SBF2: variants seen among roughly 807,000 people sequenced by gnomAD.
SBF2 encodes the protein myotubularin-related protein 13.
Under a neutral mutation model 225.2 loss-of-function variants are expected in SBF2, and 112 were observed. That is an observed-to-expected ratio of 0.50 (90% confidence interval 0.43 to 0.58). The LOEUF (loss-of-function observed/expected upper bound fraction) is 0.58, where lower values mean the gene tolerates loss of function less well. Ranked by LOEUF, SBF2 falls within the 20% of genes least tolerant of loss-of-function variation. SBF2 has a pLI of 0.00. For missense variants in SBF2, 1,996 were observed against 2,206.2 expected (o/e 0.90, Z 1.91); for synonymous variants, 763 against 773.3 (o/e 0.99, Z 0.22).
intron 13 of SBF2, among the ~76,000 whole-genome samples, chr11:9,978,480 GA>G (rs1565087600): frequency 6.6e-6 from 1 of 152,126 alleles, no homozygotes; most frequent in East Asian, 1.9e-4. Context: ...ATTAGATTGT[GA>G]AAAAAATTTC....
intron 1 of SBF2, among the ~76,000 whole-genome samples, chr11:10,273,615 A>G (rs1463844754): frequency 1.3e-5 from 2 of 152,254 alleles, no homozygotes; most frequent in South Asian, 2.1e-4. Flanking sequence ...AAACAGGTAC[A>G]AAAACAAAGA....
chr11:9,913,968 C>T (rs73420638), intron 16 of SBF2, among the ~76,000 whole-genome samples: 2,297 of 152,314 alleles, frequency 0.015, 47 homozygotes, highest in African/African-American at 0.052. Context: ...TCCCAAAGTG[C>T]TGCGATTACA....
At chr11:10,192,417 G>A (rs941392932) in intron 2 of SBF2, among the ~76,000 whole-genome samples, 3 of 152,032 alleles carry the variant, frequency 2.0e-5, no homozygotes, top group African/African-American at 7.3e-5. Context: ...TAGCTACGAC[G>A]AGAAAATTTA....
intron 6 of SBF2, among the ~76,000 whole-genome samples, chr11:10,003,292 C>T (rs1948050945): frequency 1.3e-5 from 2 of 151,932 alleles, no homozygotes; most frequent in Admixed American, 1.3e-4. Flanking sequence ...TCCATCTATA[C>T]TTATTGTAAT....
intron 2 of SBF2, among the ~76,000 whole-genome samples, chr11:10,119,371 A>G (rs542203440): frequency 7.1e-4 from 108 of 152,290 alleles, no homozygotes; most frequent in African/African-American, 2.6e-3. Context: ...AGAATTAAAG[A>G]GATATACAGA....
chr11:10,138,693 CTAT>C (rs1436751293), intron 2 of SBF2, among the ~76,000 whole-genome samples: 1 of 152,134 alleles, frequency 6.6e-6, no homozygotes, highest in Non-Finnish European at 1.5e-5. Flanking sequence ...CTTTGAACCA[CTAT>C]TTAGAAACAT....
At position 9,910,187 on chromosome 11, in the gene SBF2, A is replaced by C. The variant is rs546279963; in HGVS notation, c.1861-14176T>G. On this transcript the variant is annotated intron_variant, in intron 16 of 39. Coordinates refer to ENST00000256190, the MANE Select transcript of SBF2 (RefSeq NM_030962.4). The stretch of plus-strand genomic sequence containing the variant: ...TTTTGGTCAATGATGGACTGCATAT[A>C]TGATGGTGGTCACATATGACTATAA... Among the ~76,000 whole-genome samples the C allele has an allele frequency of 2.6e-5, 4 of 152,268 alleles. No individual in the cohort carries two copies. In the East Asian group the frequency reaches 7.7e-4, roughly 29 times the overall value.
chr11:10,174,577 A>G (rs928205801), intron 2 of SBF2, among the ~76,000 whole-genome samples: 1 of 152,210 alleles, frequency 6.6e-6, no homozygotes. Flanking sequence ...ACCAAGTTGG[A>G]AAACACTCTG....
Position 10,000,984 on chromosome 11 carries a change from T to C in SBF2, c.791A>G (p.Glu264Gly), listed in dbSNP as rs928271143. The C allele has an allele frequency of 6.9e-6, 11 of 1,604,692 alleles. No homozygotes were observed. Among genetic ancestry groups the C allele is most frequent in the Non-Finnish European group, 8.5e-6 (10 of 1,171,726 alleles). Residue 264 changes from glutamate to glycine, a missense_variant, in exon 8 of 40, where the codon GAA becomes GGA. Coordinates refer to ENST00000256190, the MANE Select transcript of SBF2 (RefSeq NM_030962.4). ...YIPILPAQLL[E>G]VLSSPTPFII... ...GAAAGGCGTTGGGGAACTTAGAACT[T>C]CCAGTAGCTGAGCCGGGAGAATAGG...
chr11:9,798,210 G>T (rs1470640269), intron 32 of SBF2, among the ~76,000 whole-genome samples: 1 of 152,140 alleles, frequency 6.6e-6, no homozygotes, highest in Non-Finnish European at 1.5e-5. Context: ...AAGGCCCTGG[G>T]TTTGACTCTC....
At chr11:10,286,349 T>C (rs1171303840) in intron 1 of SBF2, among the ~76,000 whole-genome samples, 1 of 115,972 alleles carries the variant, frequency 8.6e-6, no homozygotes, top group Non-Finnish European at 2.0e-5. Context: ...TTTTGTTCTT[T>C]GGTTTTTTTT....
chr11:10,231,386 G>C (rs1958837797), intron 1 of SBF2, among the ~76,000 whole-genome samples: 1 of 152,188 alleles, frequency 6.6e-6, no homozygotes, highest in Non-Finnish European at 1.5e-5. Context: ...GAAGCGCTCT[G>C]ATTTTTAGAG....
rs1862829631 is a variant in SBF2 at position 9,913,643 on chromosome 11, A to AAT, written c.1861-17633_1861-17632insAT. Among the ~76,000 whole-genome samples, 269 of 144,850 alleles carry AAT rather than the reference A, an allele frequency of 1.9e-3. 1 individual carries two copies. Among genetic ancestry groups the AAT allele is most frequent in the African/African-American group, 6.4e-3 (251 of 39,376 alleles). On this transcript the variant is annotated intron_variant, in intron 16 of 39. Coordinates refer to ENST00000256190, the MANE Select transcript of SBF2 (RefSeq NM_030962.4). ...AGTTGTTTAAAATAGCTGAGATTAA[A>AAT]AAAATAAAATAAAATAAAATAAAAT...
intron 1 of SBF2, among the ~76,000 whole-genome samples, chr11:10,240,078 GAAGA>G (rs1416478869): frequency 6.6e-6 from 1 of 152,072 alleles, no homozygotes; most frequent in African/African-American, 2.4e-5. Flanking sequence ...AAACCAATTA[GAAGA>G]AAGATTCTGC....
intron 16 of SBF2, among the ~76,000 whole-genome samples, chr11:9,896,866 A>G (rs1466517046): frequency 2.0e-5 from 3 of 152,114 alleles, no homozygotes; most frequent in Non-Finnish European, 2.9e-5. Context: ...TCTAAAACCC[A>G]TTGAGTGAAA....
In SBF2 at chr11:9,865,717, G is replaced by C. The variant is rs360164; in HGVS notation, c.1930-7321C>G. Among the ~76,000 whole-genome samples the C allele has an allele frequency of 8.4e-5, 9 of 107,666 alleles. 1 individual carries two copies. Among genetic ancestry groups the C allele is most frequent in the Non-Finnish European group, 1.3e-4 (7 of 52,590 alleles). The allele number at this position is 107,666 out of a possible 152,430, so 70.6% of individuals were successfully genotyped here. A position where few individuals can be genotyped will look rare whatever the true frequency, so the allele number is the denominator to read the frequency against. On this transcript the variant is annotated intron_variant, in intron 17 of 39. Transcript: ENST00000256190. ...AAAAAAAAAAAAAAAAAAAAAAAAAGGCGGGAGGCGTTGGGGGGCGAAACT... is the reference window on the plus strand; with the variant it reads ...AAAAAAAAAAAAAAAAAAAAAAAAACGCGGGAGGCGTTGGGGGGCGAAACT...
At chr11:9,861,099 G>A (rs1457754719) in intron 17 of SBF2, among the ~76,000 whole-genome samples, 3 of 152,184 alleles carry the variant, frequency 2.0e-5, no homozygotes, top group Non-Finnish European at 4.4e-5. Context: ...TTTACTGGTT[G>A]AGCATTCTAA....
Position 10,096,424 on chromosome 11 carries a change from T to TAAAAAAAA in SBF2, c.142-53451_142-53444dup, listed in dbSNP as rs563258126. On this transcript the variant is annotated intron_variant, in intron 2 of 39. Coordinates refer to ENST00000256190, the MANE Select transcript of SBF2 (RefSeq NM_030962.4). ...ATTAGCCTTATAAGTCAAAGTTCTG[T>TAAAAAAAA]AAAAAAAAAAAAAAAAAAGTAATGA... Among the ~76,000 whole-genome samples the TAAAAAAAA allele has an allele frequency of 1.6e-5, 2 of 126,044 alleles. 1 individual carries two copies. Among genetic ancestry groups the TAAAAAAAA allele is most frequent in the Non-Finnish European group, 3.3e-5 (2 of 60,262 alleles). 82.7% of individuals were successfully genotyped at this position (126,044 alleles called of 152,430 possible).
chr11:10,039,673 C>T (rs372315244), intron 3 of SBF2, among the ~76,000 whole-genome samples: 14 of 151,996 alleles, frequency 9.2e-5, no homozygotes, highest in African/African-American at 3.4e-4. Flanking sequence ...TACAAGAACC[C>T]AGATCTTAGC....
Sources: allele counts gnomAD v4.1 joint callset (sites outside exome capture counted in the v4.1 genomes callset), GRCh38; gene constraint gnomAD v4.1.1; transcripts MANE v1.5; gene names NCBI Gene and HGNC (gene_info 2026-07-23, HGNC 2026-07-21).